The following RCAN2 variants were observed in gnomAD, a reference collection of about 807,000 sequenced individuals.
RCAN2 encodes regulator of calcineurin 2, also known as calcipressin-2.
In RCAN2, 9 loss-of-function variants were observed where a neutral mutation model predicts 23.6. The observed-to-expected ratio is 0.38, with a 90% CI of 0.23 to 0.67. The LOEUF (loss-of-function observed/expected upper bound fraction) is 0.67. Among genes scored for constraint, RCAN2 ranks in the 30% least tolerant of loss-of-function variants. The pLI is 0.51. For synonymous variants in RCAN2, 109 were observed against 115.7 expected (o/e 0.94, Z 0.37); for missense variants, 273 against 302.3 (o/e 0.90, Z 0.72).
chr6:46,377,157 C>T (rs767478383), intron 2 of RCAN2, among the ~76,000 whole-genome samples: 2 of 152,150 alleles, frequency 1.3e-5, no homozygotes, highest in Non-Finnish European at 2.9e-5. Flanking sequence ...TGGACATTCT[C>T]TTCTGAAAGT....
At chr6:46,488,470 T>C (rs936276057) in intron 1 of RCAN2, among the ~76,000 whole-genome samples, 2 of 152,246 alleles carry the variant, frequency 1.3e-5, no homozygotes, top group African/African-American at 2.4e-5. Context: ...ATAACTGAGT[T>C]CATACTACCA....
intron 2 of RCAN2, among the ~76,000 whole-genome samples, chr6:46,406,490 C>T (rs1449743139): frequency 6.6e-6 from 1 of 152,042 alleles, no homozygotes; most frequent in African/African-American, 2.4e-5. Context: ...AGCAATAAAC[C>T]CTTGGTTCAG....
At chr6:46,298,404 C>G (rs562297520) in intron 2 of RCAN2, among the ~76,000 whole-genome samples, 1 of 151,980 alleles carries the variant, frequency 6.6e-6, no homozygotes, top group African/African-American at 2.4e-5. Context: ...ATTGAGCAAA[C>G]CAGGTATCAC....
intron 2 of RCAN2, among the ~76,000 whole-genome samples, chr6:46,386,833 G>T (rs538823212): frequency 6.6e-6 from 1 of 152,006 alleles, no homozygotes; most frequent in Non-Finnish European, 1.5e-5. Context: ...GAGGCATCAC[G>T]CTACCTGACT....
intron 2 of RCAN2, among the ~76,000 whole-genome samples, chr6:46,316,407 A>G (rs555649469): frequency 2.4e-4 from 37 of 152,262 alleles, no homozygotes; most frequent in African/African-American, 5.5e-4. Context: ...AGGTCACACT[A>G]TCAAGTGGCC....
intron 2 of RCAN2, among the ~76,000 whole-genome samples, chr6:46,456,377 T>A (rs1417547606): frequency 1.3e-5 from 2 of 152,218 alleles, no homozygotes; most frequent in African/African-American, 4.8e-5. Flanking sequence ...GAGTTTGTAT[T>A]GTTTTGAGAA....
At chr6:46,421,034 C>G (rs918388811) in intron 2 of RCAN2, among the ~76,000 whole-genome samples, 1 of 152,180 alleles carries the variant, frequency 6.6e-6, no homozygotes, top group Non-Finnish European at 1.5e-5. Context: ...AGAGGATATT[C>G]AGTAAGTTCC....
chr6:46,333,139 C>T (rs969983826), intron 2 of RCAN2, among the ~76,000 whole-genome samples: 16 of 151,986 alleles, frequency 1.1e-4, no homozygotes, highest in African/African-American at 3.6e-4. Context: ...GTCCTGTGCC[C>T]ACTTTTTGAT....
chr6:46,407,572 G>A (rs1278741315), intron 2 of RCAN2, among the ~76,000 whole-genome samples: 1 of 152,142 alleles, frequency 6.6e-6, no homozygotes, highest in African/African-American at 2.4e-5. Context: ...TCTTGCTATG[G>A]GCAACTGCTT....
At chr6:46,250,507 G>A (rs925066089) in intron 2 of RCAN2, among the ~76,000 whole-genome samples, 5 of 152,152 alleles carry the variant, frequency 3.3e-5, no homozygotes, top group Non-Finnish European at 5.9e-5. Flanking sequence ...ATTTTAACTA[G>A]GAATGGACTT....
chr6:46,243,729 G>A (rs1045614223), intron 4 of RCAN2, among the ~76,000 whole-genome samples: 4 of 139,418 alleles, frequency 2.9e-5, no homozygotes, highest in Non-Finnish European at 6.1e-5. Context: ...AGAATTGCTT[G>A]AACCCGGGAG....
chr6:46,435,385 A>G (rs1248631814), intron 2 of RCAN2, among the ~76,000 whole-genome samples: 3 of 152,180 alleles, frequency 2.0e-5, no homozygotes, highest in Non-Finnish European at 4.4e-5. Context: ...CTTCAGAAAG[A>G]AATGTGCTTG....
rs75423056 is a variant in RCAN2, at chr6:46,393,525, A to G, written c.225+63227T>C. Reference sequence around the variant, plus strand: ...GGCATTTCTAATGGATAATGATGTCAGTACATACCATTTTCTAAATACTCT... The same window carrying G: ...GGCATTTCTAATGGATAATGATGTCGGTACATACCATTTTCTAAATACTCT... On this transcript the variant is annotated intron_variant, in intron 2 of 4. Coordinates refer to ENST00000371374, the MANE Select transcript of RCAN2 (RefSeq NM_001251974.2). Among the ~76,000 whole-genome samples, 390 of 152,342 alleles carry G rather than the reference A, an allele frequency of 2.6e-3. 6 individuals carry two copies. Among genetic ancestry groups the G allele is most frequent in the East Asian group, 0.025 (128 of 5,190 alleles).
At chr6:46,308,821 GA>G (rs892437523) in intron 2 of RCAN2, among the ~76,000 whole-genome samples, 30 of 149,404 alleles carry the variant, frequency 2.0e-4, no homozygotes, top group Middle Eastern at 3.5e-3. Flanking sequence ...CGAGGTTTCA[GA>G]AAAAAAAAAT....
chr6:46,299,987 G>C (rs1027047239), intron 2 of RCAN2, among the ~76,000 whole-genome samples: 6 of 151,708 alleles, frequency 4.0e-5, no homozygotes, highest in African/African-American at 1.5e-4. Flanking sequence ...CGAAGATAAA[G>C]TAATTATTAA....
intron 2 of RCAN2, among the ~76,000 whole-genome samples, chr6:46,395,867 T>C (rs1766075155): frequency 6.6e-6 from 1 of 152,130 alleles, no homozygotes; most frequent in South Asian, 2.1e-4. Flanking sequence ...TCTCTCCAAA[T>C]TCTAACTGAA....
chr6:46,240,515 A>T (rs1766267667), intron 4 of RCAN2, among the ~76,000 whole-genome samples: 1 of 152,204 alleles, frequency 6.6e-6, no homozygotes, highest in Non-Finnish European at 1.5e-5. Flanking sequence ...GTGCTCCAGG[A>T]TCCCAATCTG....
At chr6:46,239,071 G>A (rs1766206807) in intron 4 of RCAN2, among the ~76,000 whole-genome samples, 1 of 152,224 alleles carries the variant, frequency 6.6e-6, no homozygotes, top group Non-Finnish European at 1.5e-5. Context: ...AAATGTGGAG[G>A]CTAGAAGCCT....
At chr6:46,461,503 G>T (rs1768203892) in intron 1 of RCAN2, among the ~76,000 whole-genome samples, 1 of 151,846 alleles carries the variant, frequency 6.6e-6, no homozygotes, top group African/African-American at 2.4e-5. Flanking sequence ...TGAAATACTG[G>T]AAAGAGCCCT....
Sources: allele counts gnomAD v4.1 joint callset (sites outside exome capture counted in the v4.1 genomes callset), GRCh38; gene constraint gnomAD v4.1.1; transcripts MANE v1.5; gene names NCBI Gene and HGNC (gene_info 2026-07-23, HGNC 2026-07-21).